The following ROS1 variants were observed in gnomAD, a reference collection of about 807,000 sequenced individuals.
The protein encoded by ROS1 is ROS proto-oncogene 1, receptor tyrosine kinase.
Under a neutral mutation model 273.5 loss-of-function variants are expected in ROS1, and 263 were observed. That is an observed-to-expected ratio of 0.96 (90% CI 0.87 to 1.06). The LOEUF (loss-of-function observed/expected upper bound fraction) is 1.06, where lower values mean the gene tolerates loss of function less well. ROS1 is among the 50% of genes least tolerant of loss of function. The pLI is 0.00. For synonymous variants in ROS1, 1,008 were observed against 954.1 expected (o/e 1.06, Z -1.04); for missense variants, 2,833 against 2,751.1 (o/e 1.03, Z -0.67).
At chr6:117,333,057 G>A (rs1405163663) in intron 32 of ROS1, among the ~76,000 whole-genome samples, 1 of 151,336 alleles carries the variant, frequency 6.6e-6, no homozygotes, top group Admixed American at 6.6e-5. Context: ...ACATCCAGGA[G>A]CCGTTTTTTT....
intron 35 of ROS1, among the ~76,000 whole-genome samples, chr6:117,322,090 G>A (rs1398443335): frequency 6.6e-6 from 1 of 152,050 alleles, no homozygotes; most frequent in Admixed American, 6.6e-5. Flanking sequence ...TATTGGCTCA[G>A]AAGTTGAAAG....
At chr6:117,372,478 A>G (rs1582772343) in intron 18 of ROS1, among the ~76,000 whole-genome samples, 1 of 152,234 alleles carries the variant, frequency 6.6e-6, no homozygotes, top group East Asian at 1.9e-4. Flanking sequence ...ACTGACTTCA[A>G]GAATGAAACC....
Position 117,416,288 on chromosome 6 carries a change from A to G in ROS1, c.198T>C (p.Ser66=). 6.2e-7 allele frequency: 1 copy of G among 1,601,468 alleles called. No individual in the cohort carries two copies. Among genetic ancestry groups the G allele is most frequent in the Non-Finnish European group, 8.6e-7 (1 of 1,168,542 alleles). Residue 66 remains serine (S), a synonymous_variant, in exon 3 of 44, where the codon TCT becomes TCC. Transcript: ENST00000368507. ...PCIQGCHFWN[S]VDQKNCALKC... Reference sequence around the variant, plus strand: ...TTAAAGCACAGTTTTTCTGATCTACAGAGTTCCAAAAGTGACATCCTTGGA... The same window carrying G: ...TTAAAGCACAGTTTTTCTGATCTACGGAGTTCCAAAAGTGACATCCTTGGA...
At chr6:117,398,459 G>A (rs918779495) in intron 7 of ROS1, among the ~76,000 whole-genome samples, 2 of 152,000 alleles carry the variant, frequency 1.3e-5, no homozygotes, top group South Asian at 4.2e-4. Context: ...TGGACCAATC[G>A]CTTGAGGCCA....
intron 18 of ROS1, among the ~76,000 whole-genome samples, chr6:117,373,217 T>C (rs1484074832): frequency 6.6e-6 from 1 of 152,240 alleles, no homozygotes; most frequent in African/African-American, 2.4e-5. Flanking sequence ...CAGGAGCCCA[T>C]CTGGCTTCGC....
At position 117,372,381 on chromosome 6, in the gene ROS1, C is replaced by T. The variant is rs1780874420; in HGVS notation, c.2583-6091G>A. Among the ~76,000 whole-genome samples, 4 of 152,334 alleles carry T rather than the reference C, an allele frequency of 2.6e-5. No homozygotes were observed. In the South Asian group the frequency reaches 8.3e-4, roughly 32 times the overall value. On this transcript the variant is annotated intron_variant, in intron 18 of 43. Coordinates refer to ENST00000368507, the MANE Select transcript of ROS1 (RefSeq NM_001378902.1). ...TTCTCCATAAAGCTCCTAATACTGA[C>T]AAATTAATTCAGTAAACTTTCAGAA...
At chr6:117,412,542 G>C (rs765040168) in intron 4 of ROS1, among the ~76,000 whole-genome samples, 21 of 152,038 alleles carry the variant, frequency 1.4e-4, no homozygotes, top group Non-Finnish European at 2.4e-4. Flanking sequence ...TAAGGAGTTT[G>C]ATTTCCTAAA....
chr6:117,343,091 T>G (rs1032112437), intron 28 of ROS1, among the ~76,000 whole-genome samples: 5 of 152,018 alleles, frequency 3.3e-5, no homozygotes, highest in Non-Finnish European at 5.9e-5. Flanking sequence ...GTTTTGTTTT[T>G]TTTTTTTAAA....
At chr6:117,403,630 T>C (rs1774137412) in intron 6 of ROS1, among the ~76,000 whole-genome samples, 1 of 152,130 alleles carries the variant, frequency 6.6e-6, no homozygotes, top group Non-Finnish European at 1.5e-5. Flanking sequence ...ACTTCTGAAT[T>C]GCTACAACCC....
Position 117,341,275 on chromosome 6 carries a change from C to T in ROS1, c.4921G>A (p.Glu1641Lys). 6.2e-7 allele frequency: 1 copy of T among 1,613,420 alleles called. No individual in the cohort carries two copies. Among genetic ancestry groups the T allele is most frequent in the Non-Finnish European group, 8.5e-7 (1 of 1,179,680 alleles). ...ATTTCCACAGTGACAGGATGACTCT[C>T]TGTACACCACATTTCCTCAGAGTGG... The part of the protein sequence containing the change: ...ACHSEEMWCT[E>K]SHPVTVEMFN... The change falls in exon 31 of 44, where the codon GAG becomes AAG. Residue 1641 changes from glutamate to lysine, a missense_variant. Coordinates refer to ENST00000368507, the MANE Select transcript of ROS1 (RefSeq NM_001378902.1).
At chr6:117,396,781 C>T in intron 8 of ROS1, 134 bp downstream of exon 8, 1 of 683,354 alleles carries the variant, frequency 1.5e-6, no homozygotes. Context: ...ACCACAATGA[C>T]TTCAACCCAA....
chr6:117,352,973 G>C lies in ROS1; in HGVS notation c.4303+17C>G. ...TAAATTGGGAGAACAAGCTGATTAC[G>C]AATGTGACTTTATTACCTGGAAAAG... On this transcript the variant is annotated intron_variant, in intron 27 of 43. Coordinates refer to ENST00000368507, the MANE Select transcript of ROS1 (RefSeq NM_001378902.1). 6.2e-7 allele frequency: 1 copy of C among 1,608,824 alleles called. No individual in the cohort carries two copies. The highest frequency in any genetic ancestry group is 1.1e-5 in the South Asian group (1 of 90,248).
intron 31 of ROS1, among the ~76,000 whole-genome samples, chr6:117,338,252 A>G (rs1429401766): frequency 6.6e-6 from 1 of 152,132 alleles, no homozygotes; most frequent in Non-Finnish European, 1.5e-5. Flanking sequence ...AGGTCACATC[A>G]TTTCATTAAA....
intron 35 of ROS1, among the ~76,000 whole-genome samples, chr6:117,323,798 T>C (rs1359512680): frequency 6.6e-6 from 1 of 152,100 alleles, no homozygotes; most frequent in South Asian, 2.1e-4. Flanking sequence ...GAGCAGGGAT[T>C]TGAAATAAGC....
At position 117,329,231 on chromosome 6, in the gene ROS1, T is replaced by C. The variant is rs1776872355; in HGVS notation, c.5348+98A>G. The C allele has an allele frequency of 1.5e-5, 10 of 669,870 alleles. No individual in the cohort carries two copies. The South Asian group carries it at 2.0e-4, about 13-fold the overall frequency. The allele number at this position is 669,870 out of a possible 1,614,324, so 41.5% of individuals were successfully genotyped here. A position where few individuals can be genotyped will look rare whatever the true frequency, so the allele number is the denominator to read the frequency against. On this transcript the variant is annotated intron_variant, in intron 33 of 43. Coordinates refer to ENST00000368507, the MANE Select transcript of ROS1 (RefSeq NM_001378902.1). ...CTTTAACTAAAGATCTTTGTGTTTG[T>C]ATATAAATACATTTGCATAAATAGT... is the stretch of plus-strand genomic sequence containing the variant.
intron 32 of ROS1, among the ~76,000 whole-genome samples, chr6:117,330,710 CA>C (rs1366559703): frequency 6.6e-6 from 1 of 152,114 alleles, no homozygotes; most frequent in Non-Finnish European, 1.5e-5. Flanking sequence ...TGAACCCCAG[CA>C]AACTGCAGCA....
intron 27 of ROS1, among the ~76,000 whole-genome samples, chr6:117,346,937 T>C (rs1000617844): frequency 1.3e-5 from 2 of 152,154 alleles, no homozygotes; most frequent in African/African-American, 4.8e-5. Flanking sequence ...CAACTAGTGA[T>C]CTTATTACTG....
intron 5 of ROS1, among the ~76,000 whole-genome samples, chr6:117,406,680 C>G (rs1177399516): frequency 1.3e-5 from 2 of 151,934 alleles, no homozygotes; most frequent in Admixed American, 1.3e-4. Context: ...TTCCCTGAAC[C>G]AAAAGAATTC....
rs1258683387 is a variant in ROS1, at chr6:117,362,771, T to A, written c.3198A>T (p.Lys1066Asn). The A allele has an allele frequency of 6.2e-7, 1 of 1,613,708 alleles. No homozygotes were observed. Among genetic ancestry groups the A allele is most frequent in the Admixed American group, 1.7e-5 (1 of 59,968 alleles). Residue 1066 changes from lysine (K) to asparagine (N), a missense_variant, in exon 22 of 44, where the codon AAA becomes AAT. Transcript: ENST00000368507. ...TTAACACCCCATTTTCATGCTTAGG[T>A]TTGTTCCACCTAAATTCCACCACAA... ...NEVVVEFRWN[K>N]PKHENGVLTK...
Sources: gnomAD v4.1 joint callset for allele counts (sites outside exome capture counted in the v4.1 genomes callset) on GRCh38, gnomAD v4.1.1 for gene constraint, MANE v1.5 for transcripts, NCBI Gene and HGNC (gene_info 2026-07-23, HGNC 2026-07-21) for gene names.